STMN1: variants seen among roughly 807,000 people sequenced by gnomAD.
STMN1 encodes the protein stathmin.
Under a neutral mutation model 19.7 loss-of-function variants are expected in STMN1, and 3 were observed. The observed-to-expected ratio is 0.15, with a 90% CI of 0.07 to 0.39. The LOEUF (loss-of-function observed/expected upper bound fraction) is 0.39, where lower values mean the gene tolerates loss of function less well. Ranked by LOEUF, STMN1 falls within the 10% of genes least tolerant of loss-of-function variation. The pLI, the probability that STMN1 is intolerant of heterozygous loss-of-function variation, is 1.00. For missense variants in STMN1, 99 were observed against 176.0 expected (o/e 0.56, Z 2.48); for synonymous variants, 59 against 58.9 (o/e 1.00, Z -0.01).
At chr1:25,884,215 T>G (rs977950746), downstream of STMN1, 1 of 152,230 alleles carries the variant, frequency 6.6e-6, no homozygotes, top group African/African-American at 2.4e-5. Context: ...ATTTTCTCCC[T>G]ATACAGAAGA....
intron 4 of STMN1, chr1:25,892,579 G>A (rs1397914741): frequency 1.0e-6 from 1 of 984,874 alleles, no homozygotes. Flanking sequence ...GCCGCTGAGG[G>A]TCCCCTCCCA....
At chr1:25,899,114 G>C (rs1013217019), downstream of STMN1, among the ~76,000 whole-genome samples, 37 of 152,354 alleles carry the variant, frequency 2.4e-4, 1 homozygote, top group African/African-American at 8.2e-4. Context: ...ATCGCCCTCT[G>C]ATAGGAAGTC....
At chr1:25,894,770 CTAAA>C (rs748873643) in intron 4 of STMN1, among the ~76,000 whole-genome samples, 27 of 152,120 alleles carry the variant, frequency 1.8e-4, no homozygotes, top group Non-Finnish European at 1.6e-4. Context: ...TGCTATGTCT[CTAAA>C]TAAATAAGGC....
At chr1:25,885,659 T>C in exon 5 of STMN1, 2 of 1,479,078 alleles carry the variant, frequency 1.4e-6, no homozygotes, top group Non-Finnish European at 1.8e-6. Context: ...AGGATCCTCT[T>C]GGCCAGACTG....
chr1:25,899,650 G>A (rs548418325), downstream of STMN1, among the ~76,000 whole-genome samples: 3 of 152,204 alleles, frequency 2.0e-5, no homozygotes, highest in East Asian at 1.9e-4. Flanking sequence ...AACAGTAATC[G>A]TGATTTATAC....
intron 4 of STMN1, among the ~76,000 whole-genome samples, chr1:25,894,511 C>G: frequency 6.6e-6 from 1 of 152,098 alleles, no homozygotes; most frequent in South Asian, 2.1e-4. Flanking sequence ...GAAATCTTGT[C>G]TCTACAAAAA....
chr1:25,898,389 A>G (rs2048839069), downstream of STMN1, among the ~76,000 whole-genome samples: 2 of 152,198 alleles, frequency 1.3e-5, no homozygotes, highest in African/African-American at 4.8e-5. Context: ...CAAAGCACTA[A>G]AGCACCCTGG....
At chr1:25,902,055 T>TA (rs2048881651) in intron 3 of STMN1, 1 of 145,250 alleles carries the variant, frequency 6.9e-6, no homozygotes, top group Non-Finnish European at 1.4e-5. Flanking sequence ...AAAAATAATT[T>TA]ACTAAGGGGA....
rs530164519 is a variant in STMN1 at position 25,889,948 on chromosome 1, C to T, written c.379-4079G>A. On this transcript the variant is annotated intron_variant, in intron 4 of 4. Coordinates refer to the STMN1 transcript ENST00000426559. ...TTGCCAGGAACACACTGCACCTGCC[C>T]ACAGTCATTGTCTGTTATATCACCC... is the stretch of plus-strand genomic sequence containing the variant. 3.3e-5 allele frequency among the ~76,000 whole-genome samples: 5 copies of T among 152,298 alleles called. No homozygotes were observed. In the East Asian group the frequency reaches 9.7e-4, roughly 29 times the overall value.
chr1:25,900,889 C>G lies in STMN1; in HGVS notation c.*127G>C. On this transcript the variant is annotated 3_prime_UTR_variant, in exon 5 of 5. Transcript: ENST00000455785. ...AACATCTTACAGTCTGGATCTGGATCTACCTATACAGTCCTACATTAGCTT... is the reference window on the plus strand; with the variant it reads ...AACATCTTACAGTCTGGATCTGGATGTACCTATACAGTCCTACATTAGCTT... 7.4e-6 allele frequency: 11 copies of G among 1,485,042 alleles called. No homozygotes were observed. Among genetic ancestry groups the G allele is most frequent in the South Asian group, 1.5e-5 (1 of 67,650 alleles). The allele number at this position is 1,485,042 out of a possible 1,614,324, so 92.0% of individuals were successfully genotyped here. A position where few individuals can be genotyped will look rare whatever the true frequency, so the allele number is the denominator to read the frequency against.
upstream of STMN1, chr1:25,906,431 G>C (rs1479355567): frequency 6.5e-6 from 1 of 154,216 alleles, no homozygotes; most frequent in African/African-American, 2.4e-5. This position sits in a 1 kb window ranked among gnomAD's most constrained non-coding sequence, Gnocchi z 4.5. Context: ...AGCACCAACA[G>C]ACCCGGGCGC....
At chr1:25,887,609 GAGAGA>G in intron 4 of STMN1, 1 of 238,280 alleles carries the variant, frequency 4.2e-6, no homozygotes. Flanking sequence ...TGGGGGAAGT[GAGAGA>G]ACAGCATCTT....
intron 4 of STMN1, 101 bp downstream of exon 4, chr1:25,901,390 C>T: frequency 7.1e-7 from 1 of 1,406,808 alleles, no homozygotes; most frequent in South Asian, 1.4e-5. Context: ...AAATGGATGA[C>T]AAAAAGACAC....
At chr1:25,895,024 A>G (rs1393815506) in intron 4 of STMN1, among the ~76,000 whole-genome samples, 2 of 151,890 alleles carry the variant, frequency 1.3e-5, no homozygotes, top group Non-Finnish European at 2.9e-5. Context: ...TTAGAGGTAC[A>G]GTACATCTCT....
At chr1:25,904,836 A>G (rs2048918969) in intron 1 of STMN1, 98 bp from the exon 2 acceptor site, 1 of 752,108 alleles carries the variant, frequency 1.3e-6, no homozygotes, top group Admixed American at 3.8e-5. Flanking sequence ...ACATCGTCAG[A>G]AAAATACGTG....
chr1:25,903,386 G>A (rs748012073), intron 3 of STMN1: 69 of 388,702 alleles, frequency 1.8e-4, no homozygotes, highest in Non-Finnish European at 2.9e-4. Context: ...GCAGAAAAAC[G>A]ACTTAACATT....
In STMN1 at chr1:25,900,550, AAAG is replaced by A; in HGVS notation, c.*463_*465del. The A allele has an allele frequency of 2.0e-6, 2 of 986,154 alleles. No homozygotes were observed. Among genetic ancestry groups the A allele is most frequent in the Non-Finnish European group, 1.2e-6 (1 of 830,136 alleles). 61.1% of individuals were successfully genotyped at this position (986,154 alleles called of 1,614,324 possible). A position where few individuals can be genotyped will look rare whatever the true frequency, so the allele number is the denominator to read the frequency against. On this transcript the variant is annotated 3_prime_UTR_variant, in exon 5 of 5. Coordinates refer to ENST00000455785, the MANE Select transcript of STMN1 (RefSeq NM_005563.4). ...TGGCTTGATTTATTAACCTAACTCA[AAAG>A]AAGTCACTGCCACCAACAGCACTGT... is the stretch of plus-strand genomic sequence containing the variant.
At chr1:25,894,818 C>T (rs1055571844) in intron 4 of STMN1, among the ~76,000 whole-genome samples, 1 of 152,202 alleles carries the variant, frequency 6.6e-6, no homozygotes, top group Non-Finnish European at 1.5e-5. Flanking sequence ...GTGATCCTCC[C>T]TCCTCGGCCT....
At chr1:25,905,245 G>A (rs1337807339) in intron 1 of STMN1, 1 of 152,238 alleles carries the variant, frequency 6.6e-6, no homozygotes, top group East Asian at 1.9e-4. Context: ...AAGCTTCCTT[G>A]CCCAACAGCA....
Sources: gnomAD v4.1 joint callset for allele counts (sites outside exome capture counted in the v4.1 genomes callset) on GRCh38, gnomAD v4.1.1 for gene constraint, Gnocchi (gnomAD v3.1) non-coding constraint, MANE v1.5 for transcripts, NCBI Gene and HGNC (gene_info 2026-07-23, HGNC 2026-07-21) for gene names.